AGMO: variants seen among roughly 807,000 people sequenced by gnomAD.
AGMO encodes the protein alkylglycerol monooxygenase.
In AGMO, 75 loss-of-function variants were observed where a neutral mutation model predicts 60.2. That is an observed-to-expected ratio of 1.25 (90% CI 1.03 to 1.51). The LOEUF is 1.51. Among genes scored for constraint, AGMO ranks in the 40% most tolerant of loss-of-function variants. The probability of loss-of-function intolerance (pLI) is 0.00; values close to 1 mark genes in which losing one functional copy is unlikely to be tolerated. For synonymous variants in AGMO, 261 were observed against 177.1 expected, an observed-to-expected ratio of 1.47 and a Z score of -3.76; for missense variants, 763 against 525.5, an observed-to-expected ratio of 1.45 and a Z score of -4.42.
intron 3 of AGMO, among the ~76,000 whole-genome samples, chr7:15,495,779 G>A (rs1371721775): frequency 6.6e-6 from 1 of 151,728 alleles, no homozygotes; most frequent in African/African-American, 2.4e-5. Context: ...CTTTCTCTCT[G>A]GGGCTTCATA....
intron 12 of AGMO, among the ~76,000 whole-genome samples, chr7:15,327,592 G>C (rs1781378619): frequency 6.6e-6 from 1 of 151,980 alleles, no homozygotes; most frequent in African/African-American, 2.4e-5. Flanking sequence ...GATTAGAAAA[G>C]AGACTACTAT....
At chr7:15,410,279 T>C (rs1784803658) in intron 5 of AGMO, among the ~76,000 whole-genome samples, 2 of 151,830 alleles carry the variant, frequency 1.3e-5, no homozygotes, top group South Asian at 4.1e-4. Context: ...AGAATAGCAA[T>C]AGATTCTCAC....
intron 12 of AGMO, among the ~76,000 whole-genome samples, chr7:15,310,235 A>C (rs1780730676): frequency 6.6e-6 from 1 of 152,216 alleles, no homozygotes; most frequent in Admixed American, 6.5e-5. Flanking sequence ...TGCTCAAAAA[A>C]ATCACATGTA....
chr7:15,254,327 G>T (rs1783034354), intron 12 of AGMO, among the ~76,000 whole-genome samples: 2 of 151,988 alleles, frequency 1.3e-5, no homozygotes, highest in Non-Finnish European at 2.9e-5. Context: ...TTTTCATAAT[G>T]GCTGTGCTAA....
At chr7:15,504,277 A>G (rs971664490) in intron 3 of AGMO, among the ~76,000 whole-genome samples, 2 of 152,016 alleles carry the variant, frequency 1.3e-5, no homozygotes, top group African/African-American at 4.8e-5. Flanking sequence ...CAAAATTTGT[A>G]ACTAGAAACT....
chr7:15,146,314 T>C, the AGMO span, among the ~76,000 whole-genome samples: 1 of 152,190 alleles, frequency 6.6e-6, no homozygotes, highest in Admixed American at 6.5e-5. Context: ...AGAATGTACA[T>C]AATTTATATA....
intron 3 of AGMO, among the ~76,000 whole-genome samples, chr7:15,528,404 A>G (rs1784181878): frequency 6.6e-6 from 1 of 152,146 alleles, no homozygotes; most frequent in African/African-American, 2.4e-5. Context: ...ACATCTTCAA[A>G]GTACACTTGT....
intron 10 of AGMO, among the ~76,000 whole-genome samples, chr7:15,368,615 G>GT (rs1162805437): frequency 2.6e-5 from 4 of 152,106 alleles, no homozygotes; most frequent in Non-Finnish European, 5.9e-5. Context: ...TTAAAAGAGT[G>GT]TTTGGCACAG....
intron 12 of AGMO, among the ~76,000 whole-genome samples, chr7:15,203,668 G>A (rs1781366810): frequency 6.6e-6 from 1 of 151,956 alleles, no homozygotes; most frequent in Admixed American, 6.6e-5. Flanking sequence ...ATTAGATTAT[G>A]TCATCTAATT....
At chr7:15,376,051 G>A (rs541709786) in intron 10 of AGMO, among the ~76,000 whole-genome samples, 77 of 152,174 alleles carry the variant, frequency 5.1e-4, no homozygotes, top group African/African-American at 1.8e-3. Flanking sequence ...AAAATACAAT[G>A]ATCACTTTTC....
intron 5 of AGMO, among the ~76,000 whole-genome samples, chr7:15,410,870 T>G (rs1780571997): frequency 6.6e-6 from 1 of 151,888 alleles, no homozygotes; most frequent in African/African-American, 2.4e-5. Flanking sequence ...GTTTCAAGCA[T>G]TATTTTAATT....
intron 12 of AGMO, among the ~76,000 whole-genome samples, chr7:15,364,724 C>T (rs1455667130): frequency 2.0e-5 from 3 of 152,006 alleles, no homozygotes; most frequent in Non-Finnish European, 4.4e-5. Flanking sequence ...TGTTTCAATT[C>T]ATAATCAATA....
the AGMO span, among the ~76,000 whole-genome samples, chr7:15,193,910 C>G: frequency 6.6e-6 from 1 of 152,130 alleles, no homozygotes; most frequent in Non-Finnish European, 1.5e-5. Flanking sequence ...AATTTCTAGG[C>G]AATTTGCAAC....
chr7:15,529,639 T>G (rs1340839502), intron 3 of AGMO, among the ~76,000 whole-genome samples: 1 of 60,706 alleles, frequency 1.6e-5, no homozygotes, highest in African/African-American at 6.5e-5. Flanking sequence ...ATAGAATATA[T>G]ATATATACTA....
intron 5 of AGMO, among the ~76,000 whole-genome samples, chr7:15,412,019 G>A (rs552419231): frequency 6.6e-6 from 1 of 152,198 alleles, no homozygotes; most frequent in South Asian, 2.1e-4. Flanking sequence ...CTAAGTCTCT[G>A]CTCATCCTGC....
At position 15,475,426 on chromosome 7, in the gene AGMO, G is replaced by A. The variant is rs190174344; in HGVS notation, c.410-44318C>T. Among the ~76,000 whole-genome samples the A allele has an allele frequency of 6.6e-5, 10 of 151,978 alleles. No individual in the cohort carries two copies. In the East Asian group the frequency reaches 1.8e-3, roughly 27 times the overall value. On this transcript the variant is annotated intron_variant, in intron 3 of 12. Transcript: ENST00000342526. ...TGAAGCTGGAAACCATCATTCTCAG[G>A]AAACTAACACAGGAACAGAAAACCA...
intron 12 of AGMO, among the ~76,000 whole-genome samples, chr7:15,321,919 T>A (rs76587289): frequency 0.016 from 2,450 of 151,892 alleles, 65 homozygotes; most frequent in African/African-American, 0.057. Context: ...AAATTGGAGG[T>A]CTATTTAATA....
At chr7:15,172,882 C>T in the AGMO span, among the ~76,000 whole-genome samples, 19 of 152,204 alleles carry the variant, frequency 1.2e-4, no homozygotes, top group South Asian at 3.7e-3. Context: ...ACAAACACTA[C>T]CCAGCAAATA....
chr7:15,374,679 T>C (rs144084206), intron 10 of AGMO, among the ~76,000 whole-genome samples: 49 of 152,142 alleles, frequency 3.2e-4, no homozygotes, highest in South Asian at 2.1e-3. Flanking sequence ...GGAAATAGGA[T>C]ACAAATGACA....
Sources: gnomAD v4.1 joint callset for allele counts (sites outside exome capture counted in the v4.1 genomes callset) on GRCh38, gnomAD v4.1.1 for gene constraint, MANE v1.5 for transcripts, NCBI Gene and HGNC (gene_info 2026-07-23, HGNC 2026-07-21) for gene names.